The following AK9 variants were observed in gnomAD, a reference collection of about 807,000 sequenced individuals.
The protein encoded by AK9 is adenylate kinase domain containing 1.
Under a neutral mutation model 239.6 loss-of-function variants are expected in AK9, and 191 were observed. That is an observed-to-expected ratio of 0.80 (90% CI 0.71 to 0.90). The LOEUF (loss-of-function observed/expected upper bound fraction) is 0.90, where lower values mean the gene tolerates loss of function less well. Ranked by LOEUF, AK9 falls within the 40% of genes least tolerant of loss-of-function variation. The pLI is 0.00. For missense variants in AK9, 1,995 were observed against 2,214.7 expected (o/e 0.90, Z 1.99); for synonymous variants, 689 against 721.0 (o/e 0.96, Z 0.71).
intron 24 of AK9, among the ~76,000 whole-genome samples, chr6:109,556,487 T>C (rs1785023806): frequency 1.3e-5 from 2 of 152,110 alleles, no homozygotes; most frequent in Non-Finnish European, 2.9e-5. Context: ...TTATGTGTTT[T>C]GGGGTTGATC....
At chr6:109,524,241 G>A (rs1271466248) in intron 29 of AK9, among the ~76,000 whole-genome samples, 1 of 151,970 alleles carries the variant, frequency 6.6e-6, no homozygotes, top group Non-Finnish European at 1.5e-5. Flanking sequence ...AAAAATTGTT[G>A]GTTGGGCTTA....
At chr6:109,547,813 C>T (rs1314642235) in intron 25 of AK9, among the ~76,000 whole-genome samples, 1 of 131,246 alleles carries the variant, frequency 7.6e-6, no homozygotes, top group Non-Finnish European at 1.6e-5. Flanking sequence ...GATTAATAAC[C>T]AGAATATATA....
chr6:109,641,993 T>A (rs1797513094), intron 9 of AK9, among the ~76,000 whole-genome samples: 1 of 152,170 alleles, frequency 6.6e-6, no homozygotes, highest in Admixed American at 6.5e-5. Flanking sequence ...GATATTCATG[T>A]CCTTAGAGGT....
In AK9 at chr6:109,610,468, T is replaced by C; in HGVS notation, c.1739A>G (p.Glu580Gly). ...AGTCTCTTCAATCATGGTCACAACC[T>C]CTGGATGATCTGCAGTTACCTCTTC... ...LIEEVTADHP[E>G]VVTMIEETIK... The change falls in exon 17 of 41, where the codon GAG becomes GGG. Residue 580 changes from glutamate to glycine, a missense_variant. Physicochemically the swap from Glu to Gly is moderately conservative, Grantham distance 98 (BLOSUM62 -2). This residue lies in a region of AK9 where 1,290 missense variants were observed against 1,392.7 expected (regional missense o/e 0.93). Transcript: ENST00000424296. 6.4e-7 allele frequency: 1 copy of C among 1,551,452 alleles called. No homozygotes were observed.
intron 8 of AK9, among the ~76,000 whole-genome samples, chr6:109,653,897 G>A (rs949166040): frequency 6.6e-6 from 1 of 151,894 alleles, no homozygotes; most frequent in African/African-American, 2.4e-5. Flanking sequence ...TCTACTATTT[G>A]TTTTTATTTT....
At chr6:109,497,634 C>A in intron 37 of AK9, 71 bp from the exon 38 acceptor site, 2 of 1,362,702 alleles carry the variant, frequency 1.5e-6, no homozygotes, top group South Asian at 1.3e-5. Flanking sequence ...AATAAAAAGT[C>A]AAAAGTATTT....
At position 109,671,937 on chromosome 6, in the gene AK9, G is replaced by C. The variant is rs777405141; in HGVS notation, c.313C>G (p.Pro105Ala). ...AACATACCAAAGTGACAGACTTCTG[G>C]GGAGTTGAGCTTCTCCAACATTAGC... ...IKLMLEKLNS[P>A]EVCHFGYIIT... The change falls in exon 5 of 41, where the codon CCA (proline) becomes GCA (alanine). Residue 105 changes from proline (P) to alanine (A), a missense_variant. Physicochemically the swap from Pro to Ala is conservative, Grantham distance 27. This residue lies in a region of AK9 where 252 missense variants were observed against 246.4 expected (regional missense o/e 1.02). Coordinates refer to ENST00000424296, the MANE Select transcript of AK9 (RefSeq NM_001145128.3). 2 of 1,613,820 alleles carry C rather than the reference G, an allele frequency of 1.2e-6. No individual in the cohort carries two copies. Among genetic ancestry groups the C allele is most frequent in the East Asian group, 2.2e-5 (1 of 44,836 alleles).
Position 109,578,201 on chromosome 6 carries a change from C to A in AK9, c.2191+1349G>T, listed in dbSNP as rs183437389. On this transcript the variant is annotated intron_variant, in intron 20 of 40. Coordinates refer to ENST00000424296, the MANE Select transcript of AK9 (RefSeq NM_001145128.3). ...CCACCCACCTCAGCCTCCCAAAGTG[C>A]GGGATTACAGGCATGAGCCACCATG... Among the ~76,000 whole-genome samples, 699 of 151,710 alleles carry A rather than the reference C, an allele frequency of 4.6e-3. 2 individuals are homozygous for A. The highest frequency in any genetic ancestry group is 0.011 in the South Asian group (54 of 4,790).
In AK9 at chr6:109,653,551, C is replaced by T. The variant is rs1320670364; in HGVS notation, c.759+3205G>A. On this transcript the variant is annotated intron_variant, in intron 8 of 40. Coordinates refer to ENST00000424296, the MANE Select transcript of AK9 (RefSeq NM_001145128.3). ...TAACCCTTATCTGGCATGTGGATTG[C>T]AAACATTTTTCCTTTCTATGATTTA... is the stretch of plus-strand genomic sequence containing the variant. Among the ~76,000 whole-genome samples the T allele has an allele frequency of 2.6e-5, 4 of 152,120 alleles. No individual in the cohort carries two copies. The East Asian group carries it at 7.7e-4, about 29-fold the overall frequency.
intron 3 of AK9, among the ~76,000 whole-genome samples, chr6:109,673,525 GA>G: frequency 6.6e-6 from 1 of 151,514 alleles, no homozygotes; most frequent in South Asian, 2.1e-4. Flanking sequence ...TTAATTAAAA[GA>G]ATATTTATAT....
intron 28 of AK9, among the ~76,000 whole-genome samples, chr6:109,530,692 A>C (rs1337469778): frequency 2.0e-5 from 3 of 152,174 alleles, no homozygotes; most frequent in Non-Finnish European, 2.9e-5. Context: ...GAGCACTATA[A>C]TATATATTCT....
intron 5 of AK9, among the ~76,000 whole-genome samples, chr6:109,665,241 G>C (rs1023441189): frequency 6.6e-6 from 1 of 152,182 alleles, no homozygotes; most frequent in Non-Finnish European, 1.5e-5. Context: ...CTTGGTTTTA[G>C]ATATATGAAC....
intron 4 of AK9, 28 bp downstream of exon 4, chr6:109,672,086 TA>T: frequency 6.2e-7 from 1 of 1,613,052 alleles, no homozygotes. Context: ...TTTGTAATCA[TA>T]GTTACTTTGA....
chr6:109,530,440 C>T (rs1008803690), intron 28 of AK9, among the ~76,000 whole-genome samples: 2 of 152,128 alleles, frequency 1.3e-5, no homozygotes, highest in African/African-American at 4.8e-5. Flanking sequence ...ACAAAAACTT[C>T]CATTATTTCA....
intron 25 of AK9, among the ~76,000 whole-genome samples, chr6:109,547,909 G>T (rs1323941340): frequency 6.9e-6 from 1 of 145,092 alleles, no homozygotes; most frequent in African/African-American, 2.6e-5. Context: ...GACCTGAACA[G>T]ACATTTCTCA....
intron 32 of AK9, 25 bp from the exon 33 acceptor site, chr6:109,509,405 T>G (rs1778450008): frequency 1.8e-5 from 28 of 1,528,144 alleles, no homozygotes; most frequent in Non-Finnish European, 2.5e-5. Context: ...ACTTTTAAAT[T>G]AAATTAAATG....
chr6:109,649,581 A>G (rs1417321185), intron 8 of AK9, among the ~76,000 whole-genome samples: 2 of 152,202 alleles, frequency 1.3e-5, no homozygotes, highest in African/African-American at 4.8e-5. Context: ...AATGAAATAA[A>G]AGAGGACACA....
chr6:109,611,865 C>A (rs1793625325), intron 16 of AK9, 145 bp downstream of exon 16: 1 of 600,252 alleles, frequency 1.7e-6, no homozygotes, highest in Non-Finnish European at 2.9e-6. Context: ...AATAGAGTAG[C>A]CATTAAAATA....
rs1404093007 is a variant in AK9 at position 109,580,909 on chromosome 6, T to G, written c.2115-1283A>C. Among the ~76,000 whole-genome samples the G allele has an allele frequency of 2.3e-3, 331 of 142,186 alleles. 1 individual carries two copies. Among genetic ancestry groups the G allele is most frequent in the Non-Finnish European group, 3.8e-3 (242 of 63,992 alleles). 93.3% of individuals were successfully genotyped at this position (142,186 alleles called of 152,430 possible). ...TGCGCTTTACAGATATCGTGGTTTTTTTTTGTGTTTTTTTGTTTTGTTTTA... is the reference window on the plus strand; with the variant it reads ...TGCGCTTTACAGATATCGTGGTTTTGTTTTGTGTTTTTTTGTTTTGTTTTA... On this transcript the variant is annotated intron_variant, in intron 19 of 40. Coordinates refer to ENST00000424296, the MANE Select transcript of AK9 (RefSeq NM_001145128.3).
Sources: allele counts gnomAD v4.1 joint callset (sites outside exome capture counted in the v4.1 genomes callset), GRCh38; gene constraint gnomAD v4.1.1; regional missense constraint gnomAD v4.1.1; transcripts MANE v1.5; gene names NCBI Gene and HGNC (gene_info 2026-07-23, HGNC 2026-07-21).